Variants in PCDHA9 observed in about 807,000 individuals in gnomAD.
PCDHA9 encodes protocadherin alpha-9.
A neutral mutation model predicts 62.0 loss-of-function variants in PCDHA9; 62 were observed. The observed-to-expected ratio is 1.00, with a 90% CI of 0.81 to 1.23. The LOEUF (loss-of-function observed/expected upper bound fraction) is 1.23, where lower values mean the gene tolerates loss of function less well. Ranked by LOEUF, PCDHA9 falls within the 50% of genes most tolerant of loss-of-function variation. The pLI is 0.00. For missense variants in PCDHA9, 1,205 were observed against 1,249.8 expected (o/e 0.96, Z 0.54); for synonymous variants, 557 against 567.6 (o/e 0.98, Z 0.27).
At chr5:140,952,380 G>A (rs246035) in intron 1 of PCDHA9, among the ~76,000 whole-genome samples, 85,175 of 151,100 alleles carry the variant, frequency 0.56, 24,638 homozygotes, top group African/African-American at 0.69. Flanking sequence ...CCTCTGCCAG[G>A]TACCCTAAAC....
chr5:140,852,228 A>G, intron 1 of PCDHA9: 1 of 612,592 alleles, frequency 1.6e-6, no homozygotes, highest in Non-Finnish European at 2.1e-6. Context: ...TAATTTTTAA[A>G]TTTTCCCTTA....
In PCDHA9 at chr5:140,857,691, T is replaced by A. The variant is rs189067845; in HGVS notation, c.2394+6802T>A. ...GGCGTGCCGCCTCTGGGCAGCAACTTGACGCTGCAGGTGTTCGTGCTGGAC... is the reference window on the plus strand; with the variant it reads ...GGCGTGCCGCCTCTGGGCAGCAACTAGACGCTGCAGGTGTTCGTGCTGGAC... On this transcript the variant is annotated intron_variant, in intron 1 of 3. Coordinates refer to ENST00000532602, the MANE Select transcript of PCDHA9 (RefSeq NM_031857.2). 1.9e-6 allele frequency: 3 copies of A among 1,597,120 alleles called. 1 individual carries two copies. The highest frequency in any genetic ancestry group is 2.6e-6 in the Non-Finnish European group (3 of 1,167,726).
chr5:141,006,568 T>C (rs2098278532), intron 3 of PCDHA9, among the ~76,000 whole-genome samples: 1 of 152,110 alleles, frequency 6.6e-6, no homozygotes, highest in Non-Finnish European at 1.5e-5. Flanking sequence ...CTCTGGCTAC[T>C]GTGTGGAGGG....
intron 1 of PCDHA9, chr5:140,875,208 C>T (rs1297860404): frequency 3.0e-6 from 2 of 668,426 alleles, no homozygotes; most frequent in Non-Finnish European, 2.2e-6. Context: ...GTGGCTAAAC[C>T]GAAAAGAACC....
In PCDHA9 at chr5:140,857,564, T is replaced by C. The variant is rs1254291079; in HGVS notation, c.2394+6675T>C. 1 of 1,596,742 alleles carries C rather than the reference T, an allele frequency of 6.3e-7. No homozygotes were observed. The highest frequency in any genetic ancestry group is 1.3e-5 in the African/African-American group (1 of 74,340). ...GTTGGGCGAGCGCTCGCTGTCGAGC[T>C]ACGTGTCGGTGCACGCGGAGAGCGG... On this transcript the variant is annotated intron_variant, in intron 1 of 3. Coordinates refer to ENST00000532602, the MANE Select transcript of PCDHA9 (RefSeq NM_031857.2).
chr5:140,896,453 C>T (rs782013950), intron 1 of PCDHA9, among the ~76,000 whole-genome samples: 3 of 152,106 alleles, frequency 2.0e-5, no homozygotes, highest in Non-Finnish European at 2.9e-5. Context: ...ACCTCCACCT[C>T]CTGGGTTCAA....
intron 3 of PCDHA9, among the ~76,000 whole-genome samples, chr5:140,987,520 G>T (rs1221115195): frequency 2.0e-5 from 3 of 152,106 alleles, no homozygotes; most frequent in Non-Finnish European, 4.4e-5. Context: ...CTCAGTAATT[G>T]TATGTTCCTG....
intron 2 of PCDHA9, among the ~76,000 whole-genome samples, chr5:140,982,130 G>A (rs1298475758): frequency 6.6e-6 from 1 of 152,228 alleles, no homozygotes; most frequent in African/African-American, 2.4e-5. Context: ...TTGAGAACAA[G>A]CCCTCCTCAT....
intron 3 of PCDHA9, among the ~76,000 whole-genome samples, chr5:141,004,385 G>C (rs1388217607): frequency 6.6e-6 from 1 of 152,192 alleles, no homozygotes; most frequent in Non-Finnish European, 1.5e-5. Flanking sequence ...TGCGGAAGCT[G>C]GACATGTGGA....
At position 140,993,525 on chromosome 5, in the gene PCDHA9, G is replaced by C. The variant is rs573802745; in HGVS notation, c.2542+10962G>C. On this transcript the variant is annotated intron_variant, in intron 3 of 3. Coordinates refer to ENST00000532602, the MANE Select transcript of PCDHA9 (RefSeq NM_031857.2). Reference sequence around the variant, plus strand: ...ACACACACACGGGGAGAGAGAGACAGAGAGAGAGAGAGATAGAGAAGTGAA... The same window carrying C: ...ACACACACACGGGGAGAGAGAGACACAGAGAGAGAGAGATAGAGAAGTGAA... Among the ~76,000 whole-genome samples the C allele has an allele frequency of 4.8e-5, 7 of 147,308 alleles. No homozygotes were observed. The East Asian group carries it at 1.2e-3, about 24-fold the overall frequency.
chr5:140,851,287 C>T, intron 1 of PCDHA9: 1 of 1,037,890 alleles, frequency 9.6e-7, no homozygotes, highest in Non-Finnish European at 1.2e-6. Flanking sequence ...ATAAGAAACC[C>T]AAGCAAAAAT....
chr5:140,870,493 A>T (rs782514435), intron 1 of PCDHA9: 2 of 1,614,214 alleles, frequency 1.2e-6, no homozygotes, highest in South Asian at 2.2e-5. Context: ...CGTGTTCGTG[A>T]AGGAGAACAA....
chr5:140,911,515 T>C (rs2075517327), intron 1 of PCDHA9, among the ~76,000 whole-genome samples: 1 of 152,226 alleles, frequency 6.6e-6, no homozygotes, highest in African/African-American at 2.4e-5. Flanking sequence ...CAGTATCTGC[T>C]TCTGAAGCTA....
chr5:140,856,458 A>G, intron 1 of PCDHA9: 1 of 1,598,416 alleles, frequency 6.3e-7, no homozygotes, highest in South Asian at 1.1e-5. Context: ...GTAACAGAAC[A>G]AAAGCTCTCA....
chr5:140,979,110 C>A, intron 2 of PCDHA9, 103 bp downstream of exon 2: 1 of 1,515,726 alleles, frequency 6.6e-7, no homozygotes, highest in East Asian at 2.3e-5. Flanking sequence ...AACTAAAAAG[C>A]TTTAGGTACT....
chr5:140,915,049 G>A (rs141616466), intron 1 of PCDHA9, among the ~76,000 whole-genome samples: 6,100 of 150,756 alleles, frequency 0.04, 138 homozygotes, highest in Non-Finnish European at 0.052. Flanking sequence ...GGGTTCAAGC[G>A]ATTCTCCTGC....
At chr5:140,933,663 C>G (rs1340033934) in intron 1 of PCDHA9, among the ~76,000 whole-genome samples, 4 of 152,128 alleles carry the variant, frequency 2.6e-5, no homozygotes, top group African/African-American at 7.2e-5. Context: ...GTCTCTCTCT[C>G]TGTCTCTCTC....
intron 1 of PCDHA9, chr5:140,862,036 A>G (rs1554155572): frequency 6.4e-6 from 1 of 155,636 alleles, no homozygotes; most frequent in African/African-American, 2.4e-5. Flanking sequence ...CGAGGGTTCA[A>G]ACCGTCACAT....
At position 140,863,274 on chromosome 5, in the gene PCDHA9, G is replaced by T. The variant is rs782533377; in HGVS notation, c.2394+12385G>T. 8.9e-6 allele frequency: 13 copies of T among 1,461,580 alleles called. No individual in the cohort carries two copies. In the African/African-American group the frequency reaches 1.8e-4, roughly 21 times the overall value. 90.5% of individuals were successfully genotyped at this position (1,461,580 alleles called of 1,614,324 possible). On this transcript the variant is annotated intron_variant, in intron 1 of 3. Coordinates refer to ENST00000532602, the MANE Select transcript of PCDHA9 (RefSeq NM_031857.2). Reference sequence around the variant, plus strand: ...TCGAGGTCCGGGAGGCAGCGCTGGTGGATGTCAACGTGTACCTGATCATCG... The same window carrying T: ...TCGAGGTCCGGGAGGCAGCGCTGGTTGATGTCAACGTGTACCTGATCATCG...
Sources: gnomAD v4.1 joint callset for allele counts (sites outside exome capture counted in the v4.1 genomes callset) on GRCh38, gnomAD v4.1.1 for gene constraint, MANE v1.5 for transcripts, NCBI Gene and HGNC (gene_info 2026-07-23, HGNC 2026-07-21) for gene names.